SLC17A5: variants seen among roughly 807,000 people sequenced by gnomAD.
SLC17A5 encodes the protein solute carrier family 17 member 5.
Under a neutral mutation model 59.4 loss-of-function variants are expected in SLC17A5, and 47 were observed. The observed-to-expected ratio is 0.79, with a 90% CI of 0.63 to 1.01. The LOEUF (loss-of-function observed/expected upper bound fraction) is 1.01. Among genes scored for constraint, SLC17A5 ranks in the 50% least tolerant of loss-of-function variants. The pLI, the probability that SLC17A5 is intolerant of heterozygous loss-of-function variation, is 0.00. For synonymous variants in SLC17A5, 202 were observed against 210.7 expected, an observed-to-expected ratio of 0.96 and a Z score of 0.36; for missense variants, 522 against 595.5, an observed-to-expected ratio of 0.88 and a Z score of 1.28.
chr6:73,615,330 T>C lies in SLC17A5; in HGVS notation c.1096A>G (p.Ile366Val). The C allele has an allele frequency of 6.2e-7, 1 of 1,614,106 alleles. No individual in the cohort carries two copies. Among genetic ancestry groups the C allele is most frequent in the African/African-American group, 1.3e-5 (1 of 75,048 alleles). ...WNFSTLCVRRIFSLIGMIGPA... is the reference protein window; with the variant it reads ...WNFSTLCVRRVFSLIGMIGPA... The stretch of plus-strand genomic sequence containing the variant: ...CTTCACTTACCTATAAGGCTAAAAA[T>C]TCTGCGAACACATAAAGTTGAAAAA... Residue 366 changes from isoleucine to valine, a missense_variant, in exon 8 of 11, where the codon ATT becomes GTT. Ile to Val is a conservative substitution (Grantham distance 29). Around this residue, in one of 3 missense-constraint regions of SLC17A5, gnomAD observed 153 missense variants for 168.5 expected, o/e 0.91. Coordinates refer to ENST00000355773, the MANE Select transcript of SLC17A5 (RefSeq NM_012434.5).
intron 7 of SLC17A5, among the ~76,000 whole-genome samples, chr6:73,620,419 A>C (rs1474040542): frequency 6.6e-6 from 1 of 152,176 alleles, no homozygotes; most frequent in Non-Finnish European, 1.5e-5. Flanking sequence ...GTTAACAGAG[A>C]ACTTGGGAAA....
chr6:73,653,705 G>T, intron 1 of SLC17A5, 88 bp downstream of exon 1: 13 of 1,335,766 alleles, frequency 9.7e-6, no homozygotes, highest in Non-Finnish European at 1.4e-5. Flanking sequence ...CCGGCGCAGG[G>T]TGCGGGTACC....
intron 7 of SLC17A5, among the ~76,000 whole-genome samples, chr6:73,621,000 A>ATTTATTATTATTATTATTATT (rs35762085): frequency 2.0e-5 from 3 of 150,184 alleles, no homozygotes; most frequent in African/African-American, 4.9e-5. Context: ...TGCTGGGATT[A>ATTTATTATTATTATTATTATT]ATTATTATTA....
intron 6 of SLC17A5, among the ~76,000 whole-genome samples, chr6:73,629,215 C>T (rs1768577121): frequency 6.6e-6 from 1 of 151,946 alleles, no homozygotes; most frequent in Non-Finnish European, 1.5e-5. Context: ...TGGCAAAACC[C>T]TGTCTCTACA....
chr6:73,645,789 C>CAAAAAAAAAAAAAAAAAAAAAAAAAAA (rs58205870), intron 1 of SLC17A5, among the ~76,000 whole-genome samples: 1 of 76,068 alleles, frequency 1.3e-5, no homozygotes, highest in Non-Finnish European at 2.6e-5. Flanking sequence ...GACTCCGTCT[C>CAAAAAAAAAAAAAAAAAAAAAAAAAAA]AAAAAAAAAA....
chr6:73,649,560 G>A (rs1769748524), intron 1 of SLC17A5, among the ~76,000 whole-genome samples: 2 of 152,132 alleles, frequency 1.3e-5, no homozygotes, highest in South Asian at 2.1e-4. Context: ...AGCTGTGATT[G>A]TGCCACTGCA....
At chr6:73,653,748 G>A (rs1020359024) in intron 1 of SLC17A5, 45 bp downstream of exon 1, 1 of 1,517,242 alleles carries the variant, frequency 6.6e-7, no homozygotes, top group Non-Finnish European at 8.9e-7. Context: ...CGCCGCCCCC[G>A]GTACCGCTGC....
In SLC17A5 at chr6:73,653,815, C is replaced by G. The variant is rs974333245; in HGVS notation, c.72G>C (p.Pro24=). ...TACCGGCTTCGGCCCGTGGGGCGCCCGGTAGAAGAGGCGTGCGGTCCGTGC... is the reference window on the plus strand; with the variant it reads ...TACCGGCTTCGGCCCGTGGGGCGCCGGGTAGAAGAGGCGTGCGGTCCGTGC... ...EESTDRTPLL[P]GAPRAEAAPV... Residue 24 remains proline (P), a synonymous_variant, in exon 1 of 11, where the codon CCG becomes CCC. Transcript: ENST00000355773. 3.3e-5 allele frequency: 53 copies of G among 1,598,642 alleles called. No homozygotes were observed. The highest frequency in any genetic ancestry group is 3.9e-5 in the Non-Finnish European group (46 of 1,174,086).
intron 1 of SLC17A5, among the ~76,000 whole-genome samples, chr6:73,651,257 T>TA (rs1198679455): frequency 6.6e-6 from 1 of 151,786 alleles, no homozygotes; most frequent in Non-Finnish European, 1.5e-5. Flanking sequence ...GGTCAGAAGT[T>TA]AGAGACCAGC....
At chr6:73,649,806 T>G (rs1441419694) in intron 1 of SLC17A5, among the ~76,000 whole-genome samples, 1 of 152,140 alleles carries the variant, frequency 6.6e-6, no homozygotes, top group Non-Finnish European at 1.5e-5. Flanking sequence ...GAATTGAGGT[T>G]AGTTCTCATT....
At chr6:73,623,718 G>T (rs2062270499) in intron 6 of SLC17A5, among the ~76,000 whole-genome samples, 1 of 145,952 alleles carries the variant, frequency 6.9e-6, no homozygotes, top group African/African-American at 2.5e-5. Flanking sequence ...TTATTTTTGA[G>T]ATGGAGTCTC....
intron 8 of SLC17A5, among the ~76,000 whole-genome samples, chr6:73,612,561 T>C (rs1248849072): frequency 2.0e-5 from 3 of 152,174 alleles, no homozygotes; most frequent in African/African-American, 7.2e-5. Flanking sequence ...GACAGTTTTA[T>C]TTCTACGTAC....
intron 10 of SLC17A5, among the ~76,000 whole-genome samples, chr6:73,595,528 T>A (rs1015352222): frequency 2.0e-5 from 3 of 152,060 alleles, no homozygotes; most frequent in African/African-American, 4.8e-5. Context: ...CATACTAATC[T>A]ATGGGGTTAA....
chr6:73,612,093 A>G (rs1416840730), intron 8 of SLC17A5, among the ~76,000 whole-genome samples: 1 of 151,964 alleles, frequency 6.6e-6, no homozygotes, highest in South Asian at 2.1e-4. Context: ...GCTCACTGCA[A>G]CCTCTGCCTC....
chr6:73,601,194 C>T (rs1455892150), intron 9 of SLC17A5, among the ~76,000 whole-genome samples: 6 of 150,662 alleles, frequency 4.0e-5, no homozygotes, highest in Non-Finnish European at 7.4e-5. Flanking sequence ...TCTGCCCCGC[C>T]GCCCCGTCTG....
At chr6:73,599,882 C>T (rs944745586) in intron 10 of SLC17A5, among the ~76,000 whole-genome samples, 7 of 152,022 alleles carry the variant, frequency 4.6e-5, no homozygotes, top group African/African-American at 1.2e-4. Context: ...CTGCAACCTC[C>T]GCCTCCTGGG....
chr6:73,628,151 T>C lies in SLC17A5; in HGVS notation c.820-6189A>G, dbSNP rs1581976489. Among the ~76,000 whole-genome samples the C allele has an allele frequency of 1.3e-5, 2 of 152,230 alleles. 1 individual carries two copies. On this transcript the variant is annotated intron_variant, in intron 6 of 10. Coordinates refer to ENST00000355773, the MANE Select transcript of SLC17A5 (RefSeq NM_012434.5). ...CCAGGCAGGTCTCTAACCCCTGGGT[T>C]CAAGTGATCCTTCCACCTAGGCCTC...
intron 1 of SLC17A5, among the ~76,000 whole-genome samples, chr6:73,651,218 T>C (rs1769842716): frequency 6.6e-6 from 1 of 152,002 alleles, no homozygotes; most frequent in South Asian, 2.1e-4. Context: ...CCCAGCACTT[T>C]GGGAGGCCAA....
chr6:73,626,835 G>A (rs916556665), intron 6 of SLC17A5, among the ~76,000 whole-genome samples: 1 of 152,116 alleles, frequency 6.6e-6, no homozygotes, highest in Non-Finnish European at 1.5e-5. Context: ...TCAGTGGAGC[G>A]ATCTCGGCTC....
Sources: allele counts gnomAD v4.1 joint callset (sites outside exome capture counted in the v4.1 genomes callset), GRCh38; gene constraint gnomAD v4.1.1; regional missense constraint gnomAD v4.1.1; transcripts MANE v1.5; gene names NCBI Gene and HGNC (gene_info 2026-07-23, HGNC 2026-07-21).